The following BLTP3B variants were observed in gnomAD, a reference collection of about 807,000 sequenced individuals.
The protein encoded by BLTP3B is UHRF1 (ICBP90) binding protein 1-like.
At chr12:100,058,889 A>G in the BLTP3B span, 1 of 1,613,880 alleles carries the variant, frequency 6.2e-7, no homozygotes, top group South Asian at 1.1e-5. Flanking sequence ...AGGAAGGGGA[A>G]AATCTGAAAA....
At chr12:100,120,906 C>T in the BLTP3B span, among the ~76,000 whole-genome samples, 1 of 151,966 alleles carries the variant, frequency 6.6e-6, no homozygotes, top group Non-Finnish European at 1.5e-5. Flanking sequence ...AAATATCTAT[C>T]AAAAGGTAAA....
At chr12:100,086,820 C>A in the BLTP3B span, among the ~76,000 whole-genome samples, 1 of 152,128 alleles carries the variant, frequency 6.6e-6, no homozygotes, top group Non-Finnish European at 1.5e-5. Flanking sequence ...TGGATTTGAA[C>A]CCAGGAAATC....
the BLTP3B span, chr12:100,104,050 C>G: frequency 1.3e-6 from 1 of 753,230 alleles, no homozygotes; most frequent in Non-Finnish European, 2.0e-6. Context: ...GACAGACACA[C>G]CAAATTATAT....
the BLTP3B span, among the ~76,000 whole-genome samples, chr12:100,113,116 A>C: frequency 0.012 from 1,810 of 152,216 alleles, 17 homozygotes; most frequent in Non-Finnish European, 0.018. Flanking sequence ...GGTTGCAGTG[A>C]ACCATGATAG....
At chr12:100,137,290 G>A in the BLTP3B span, among the ~76,000 whole-genome samples, 1 of 151,746 alleles carries the variant, frequency 6.6e-6, no homozygotes, top group African/African-American at 2.4e-5. Context: ...CAGGCTATCA[G>A]CTACCGCCCT....
the BLTP3B span, chr12:100,058,151 G>A: frequency 4.3e-6 from 7 of 1,613,218 alleles, no homozygotes; most frequent in African/African-American, 9.4e-5. Context: ...TGGACTCTAT[G>A]GTTTCATTTC....
chr12:100,057,066 T>A, the BLTP3B span, among the ~76,000 whole-genome samples: 2 of 152,236 alleles, frequency 1.3e-5, no homozygotes, highest in Non-Finnish European at 2.9e-5. Context: ...TTACACCATA[T>A]ACTATCATAT....
the BLTP3B span, chr12:100,050,402 C>T: frequency 7.9e-7 from 1 of 1,262,104 alleles, no homozygotes; most frequent in Non-Finnish European, 1.1e-6. Context: ...CTACCATTAC[C>T]CTCTAAAAAT....
chr12:100,136,385 A>G, the BLTP3B span, among the ~76,000 whole-genome samples: 1 of 152,148 alleles, frequency 6.6e-6, no homozygotes, highest in Admixed American at 6.6e-5. Flanking sequence ...AAGTAGTCCA[A>G]TTTAGAAATA....
chr12:100,103,965 A>T, the BLTP3B span: 43 of 1,594,548 alleles, frequency 2.7e-5, no homozygotes, highest in African/African-American at 2.8e-4. Context: ...CAAATGAAAA[A>T]TTTTTAATTT....
the BLTP3B span, among the ~76,000 whole-genome samples, chr12:100,141,395 G>A: frequency 1.4e-5 from 2 of 147,340 alleles, no homozygotes; most frequent in Admixed American, 6.8e-5. Flanking sequence ...ATATGTATGT[G>A]TATATATGTG....
the BLTP3B span, chr12:100,128,746 G>T: frequency 7.8e-7 from 1 of 1,278,656 alleles, no homozygotes; most frequent in Non-Finnish European, 1.0e-6. Context: ...TGGGTACACA[G>T]GGGACACAGA....
the BLTP3B span, chr12:100,086,258 G>A: frequency 1.5e-6 from 2 of 1,328,692 alleles, no homozygotes; most frequent in Non-Finnish European, 9.9e-7. Flanking sequence ...ATCTTTTAAA[G>A]ATGCTGTTAT....
the BLTP3B span, among the ~76,000 whole-genome samples, chr12:100,132,825 G>A: frequency 1.3e-5 from 2 of 152,128 alleles, no homozygotes; most frequent in Admixed American, 6.5e-5. Context: ...GCACATGACT[G>A]TAATCCCAGC....
chr12:100,122,141 A>G, the BLTP3B span, among the ~76,000 whole-genome samples: 1 of 152,152 alleles, frequency 6.6e-6, no homozygotes, highest in Non-Finnish European at 1.5e-5. Context: ...GTTAACTATT[A>G]ATAAAATACA....
chr12:100,124,963 TA>T, the BLTP3B span, among the ~76,000 whole-genome samples: 1,062 of 117,128 alleles, frequency 9.1e-3, 45 homozygotes, highest in African/African-American at 0.031. Context: ...TATATATATA[TA>T]TATATATATA....
the BLTP3B span, chr12:100,128,858 T>A: frequency 7.8e-6 from 6 of 768,730 alleles, no homozygotes; most frequent in Admixed American, 1.9e-4. Context: ...TCACACTGGA[T>A]TCACTAAAGG....
chr12:100,053,875 T>G, the BLTP3B span, among the ~76,000 whole-genome samples: 7 of 152,176 alleles, frequency 4.6e-5, no homozygotes, highest in Non-Finnish European at 1.0e-4. Flanking sequence ...GAGAGAATAC[T>G]CATATATTTC....
chr12:100,125,723 T>G, the BLTP3B span, among the ~76,000 whole-genome samples: 1 of 152,204 alleles, frequency 6.6e-6, no homozygotes. Context: ...ATATCCTTCA[T>G]AGCAAAAACT....
Sources: gnomAD v4.1 joint callset for allele counts (sites outside exome capture counted in the v4.1 genomes callset) on GRCh38, gnomAD v4.1.1 for gene constraint, MANE v1.5 for transcripts, NCBI Gene and HGNC (gene_info 2026-07-23, HGNC 2026-07-21) for gene names.